DLGAP2: variants seen among roughly 807,000 people sequenced by gnomAD.
DLGAP2 encodes DLG associated protein 2.
A neutral mutation model predicts 100.3 loss-of-function variants in DLGAP2; 26 were observed. That is an observed-to-expected ratio of 0.26 (90% CI 0.19 to 0.36). DLGAP2 has a LOEUF of 0.36. Ranked by LOEUF, DLGAP2 falls within the 10% of genes least tolerant of loss-of-function variation. The pLI, the probability that DLGAP2 is intolerant of heterozygous loss-of-function variation, is 1.00. For synonymous variants in DLGAP2, 886 were observed against 630.1 expected (o/e 1.41, Z -6.08); for missense variants, 1,858 against 1,453.2 (o/e 1.28, Z -4.53).
At chr8:1,432,675 T>C (rs1408991930) in intron 3 of DLGAP2, among the ~76,000 whole-genome samples, 6 of 152,246 alleles carry the variant, frequency 3.9e-5, no homozygotes, top group Non-Finnish European at 5.9e-5. Context: ...CCTGAGCTGT[T>C]CTCTTCTGTG....
intron 8 of DLGAP2, among the ~76,000 whole-genome samples, chr8:1,644,256 T>TAAAA (rs1177937446): frequency 7.9e-5 from 12 of 152,320 alleles, no homozygotes; most frequent in Non-Finnish European, 1.5e-4. Flanking sequence ...AAAGGCAGCC[T>TAAAA]GACCCTAAGC....
At chr8:1,616,979 G>T (rs1291250956) in intron 6 of DLGAP2, among the ~76,000 whole-genome samples, 1 of 152,168 alleles carries the variant, frequency 6.6e-6, no homozygotes, top group Non-Finnish European at 1.5e-5. Flanking sequence ...GGGAGAACAT[G>T]CAGTATTTGG....
intron 2 of DLGAP2, among the ~76,000 whole-genome samples, chr8:977,469 A>C (rs1028909022): frequency 2.6e-5 from 4 of 152,220 alleles, no homozygotes; most frequent in Admixed American, 2.6e-4. Context: ...ACACTTTCTG[A>C]TATAGCAAAA....
chr8:1,600,866 C>T (rs1002597555), intron 6 of DLGAP2, among the ~76,000 whole-genome samples: 1 of 152,144 alleles, frequency 6.6e-6, no homozygotes, highest in Non-Finnish European at 1.5e-5. Context: ...CTGAAACCTA[C>T]TTCTATAATT....
chr8:1,447,132 G>C (rs1382220518), intron 3 of DLGAP2, among the ~76,000 whole-genome samples: 1 of 152,226 alleles, frequency 6.6e-6, no homozygotes, highest in Non-Finnish European at 1.5e-5. Flanking sequence ...GCACTAGGTT[G>C]AATAGGAGTG....
chr8:754,863 T>A (rs1251185423), intron 1 of DLGAP2, among the ~76,000 whole-genome samples: 2 of 151,798 alleles, frequency 1.3e-5, no homozygotes, highest in Non-Finnish European at 2.9e-5. Context: ...AAAAAGCAAG[T>A]AAGGAAGCAA....
chr8:963,146 C>G (rs369565767), intron 2 of DLGAP2, among the ~76,000 whole-genome samples: 1 of 152,136 alleles, frequency 6.6e-6, no homozygotes, highest in Non-Finnish European at 1.5e-5. Flanking sequence ...CTTCTTGTGT[C>G]GAAGGAGAGT....
rs186050765 is a variant in DLGAP2, at chr8:1,545,019, C to T, written c.173-3607C>T. 2.0e-5 allele frequency among the ~76,000 whole-genome samples: 3 copies of T among 152,236 alleles called. No homozygotes were observed. The East Asian group carries it at 5.8e-4, about 29-fold the overall frequency. On this transcript the variant is annotated intron_variant, in intron 4 of 14. Transcript: ENST00000637795. Reference sequence around the variant, plus strand: ...GTGCTGAGATTACAGGCATGAGCCACCATACCTGGACTATTTTTGAGGCTT... The same window carrying T: ...GTGCTGAGATTACAGGCATGAGCCATCATACCTGGACTATTTTTGAGGCTT...
At chr8:1,625,489 G>A (rs74390828) in intron 6 of DLGAP2, among the ~76,000 whole-genome samples, 3,004 of 152,252 alleles carry the variant, frequency 0.02, 113 homozygotes, top group African/African-American at 0.069. Context: ...GAAAACGACC[G>A]TTGTGCTTAT....
At chr8:1,341,720 C>T (rs1259848501) in intron 3 of DLGAP2, among the ~76,000 whole-genome samples, 1 of 152,178 alleles carries the variant, frequency 6.6e-6, no homozygotes, top group African/African-American at 2.4e-5. Context: ...CCATCACTGC[C>T]CGCCCTTTTG....
chr8:1,173,291 A>AC (rs1797171914), intron 2 of DLGAP2, among the ~76,000 whole-genome samples: 2 of 152,112 alleles, frequency 1.3e-5, no homozygotes, highest in African/African-American at 4.8e-5. Flanking sequence ...GTCTGCCCCT[A>AC]CTGGGGGGTG....
At chr8:1,150,938 A>G (rs892598752) in intron 2 of DLGAP2, among the ~76,000 whole-genome samples, 2 of 152,222 alleles carry the variant, frequency 1.3e-5, no homozygotes, top group African/African-American at 4.8e-5. Context: ...GATAATCATT[A>G]TTATTTGGAT....
At chr8:1,629,343 A>G (rs956971332) in intron 7 of DLGAP2, among the ~76,000 whole-genome samples, 1 of 152,196 alleles carries the variant, frequency 6.6e-6, no homozygotes. Flanking sequence ...CTTTTTCCCA[A>G]TGACAAGGAA....
At chr8:969,755 G>T (rs1799968836) in intron 2 of DLGAP2, among the ~76,000 whole-genome samples, 1 of 152,092 alleles carries the variant, frequency 6.6e-6, no homozygotes, top group Admixed American at 6.6e-5. Context: ...AGGGAGCCTG[G>T]TGGGAGAATT....
At position 1,004,002 on chromosome 8, in the gene DLGAP2, A is replaced by AT. The variant is rs756043240; in HGVS notation, c.73+96044dup. Among the ~76,000 whole-genome samples the AT allele has an allele frequency of 4.0e-4, 61 of 151,908 alleles. 1 individual carries two copies. Among genetic ancestry groups the AT allele is most frequent in the Non-Finnish European group, 3.4e-4 (23 of 67,940 alleles). On this transcript the variant is annotated intron_variant, in intron 2 of 14. Transcript: ENST00000637795. ...ATATTTATTTCAATTCTTTTTTACC[A>AT]TTTTTTTTATTCTCTTGATGTTGCC...
chr8:1,422,986 A>G (rs1012873434), intron 3 of DLGAP2, among the ~76,000 whole-genome samples: 11 of 152,144 alleles, frequency 7.2e-5, no homozygotes, highest in East Asian at 5.8e-4. Flanking sequence ...GTGGCCTGGT[A>G]TATGTGACTG....
chr8:916,185 C>T (rs938123536), intron 2 of DLGAP2, among the ~76,000 whole-genome samples: 14 of 152,208 alleles, frequency 9.2e-5, no homozygotes, highest in Admixed American at 3.3e-4. Context: ...TTCCCACCCA[C>T]GTATTTGTAG....
intron 6 of DLGAP2, among the ~76,000 whole-genome samples, chr8:1,583,150 G>T (rs1309615361): frequency 2.0e-5 from 3 of 152,128 alleles, no homozygotes; most frequent in African/African-American, 7.2e-5. Context: ...GGAAGAGAAG[G>T]GGCATACCTC....
chr8:1,303,364 T>C (rs1209824975), intron 3 of DLGAP2, among the ~76,000 whole-genome samples: 3 of 138,412 alleles, frequency 2.2e-5, no homozygotes, highest in African/African-American at 8.1e-5. Context: ...GCCACCGCAC[T>C]CCAGCCTGGG....
Sources: gnomAD v4.1 joint callset for allele counts (sites outside exome capture counted in the v4.1 genomes callset) on GRCh38, gnomAD v4.1.1 for gene constraint, MANE v1.5 for transcripts, NCBI Gene and HGNC (gene_info 2026-07-23, HGNC 2026-07-21) for gene names.